The following PLAG1 variants were observed in gnomAD, a reference collection of about 807,000 sequenced individuals.
PLAG1 encodes zinc finger protein PLAG1.
Under a neutral mutation model 35.5 loss-of-function variants are expected in PLAG1, and 7 were observed. The observed-to-expected ratio is 0.20, with a 90% confidence interval of 0.11 to 0.37. The LOEUF (loss-of-function observed/expected upper bound fraction) is 0.37, where lower values mean the gene tolerates loss of function less well. Among genes scored for constraint, PLAG1 ranks in the 10% least tolerant of loss-of-function variants. The pLI is 1.00. For synonymous variants in PLAG1, 229 were observed against 225.4 expected (o/e 1.02, Z -0.14); for missense variants, 454 against 602.8 (o/e 0.75, Z 2.58).
intron 1 of PLAG1, among the ~76,000 whole-genome samples, chr8:56,209,757 C>G (rs1270536850): frequency 6.6e-6 from 1 of 152,164 alleles, no homozygotes; most frequent in East Asian, 1.9e-4. Context: ...TGCACTCCAG[C>G]CTCTCTGAGC....
chr8:56,171,058 T>C (rs752592583), intron 3 of PLAG1, 33 bp downstream of exon 3: 1 of 501,776 alleles, frequency 2.0e-6, no homozygotes, highest in Non-Finnish European at 2.6e-6. Flanking sequence ...GGTGCATGCA[T>C]AGAATTATAG....
chr8:56,174,584 T>TA (rs1811633448), intron 2 of PLAG1, among the ~76,000 whole-genome samples: 1 of 152,118 alleles, frequency 6.6e-6, no homozygotes, highest in Non-Finnish European at 1.5e-5. Flanking sequence ...AAAAGGCAGT[T>TA]AAAGTAACTG....
chr8:56,173,863 T>C (rs1811613158), intron 2 of PLAG1, among the ~76,000 whole-genome samples: 2 of 152,144 alleles, frequency 1.3e-5, no homozygotes. Context: ...TGTTTTACAT[T>C]ATTCTAAAAC....
At chr8:56,194,063 C>T (rs188878401) in intron 1 of PLAG1, among the ~76,000 whole-genome samples, 19 of 152,144 alleles carry the variant, frequency 1.2e-4, no homozygotes, top group Non-Finnish European at 2.4e-4. Context: ...CCTGTAATCT[C>T]AGCACTTTGA....
chr8:56,205,547 T>G (rs1812674984), intron 1 of PLAG1, among the ~76,000 whole-genome samples: 1 of 151,928 alleles, frequency 6.6e-6, no homozygotes, highest in African/African-American at 2.4e-5. Flanking sequence ...TTTTGCCTTG[T>G]AGTTGGTTAT....
intron 1 of PLAG1, among the ~76,000 whole-genome samples, chr8:56,180,874 C>T (rs1811845700): frequency 6.6e-6 from 1 of 151,836 alleles, no homozygotes; most frequent in Admixed American, 6.6e-5. Context: ...AAGAAAAAAC[C>T]CAGTCAAAAA....
At chr8:56,176,540 G>A (rs1314972546) in intron 2 of PLAG1, among the ~76,000 whole-genome samples, 2 of 151,962 alleles carry the variant, frequency 1.3e-5, no homozygotes, top group Non-Finnish European at 2.9e-5. Context: ...TTTCAAAGAG[G>A]AAATGAAAAA....
Position 56,162,178 on chromosome 8 carries a change from A to G in PLAG1, c.*4065T>C. 1 of 228,664 alleles carries G rather than the reference A, an allele frequency of 4.4e-6. No homozygotes were observed. Among genetic ancestry groups the G allele is most frequent in the Non-Finnish European group, 8.7e-6 (1 of 114,858 alleles). 14.2% of individuals were successfully genotyped at this position (228,664 alleles called of 1,614,324 possible). On this transcript the variant is annotated 3_prime_UTR_variant, in exon 5 of 5. Transcript: ENST00000316981. ...TGACACAGTGTGAGAAAAACAAGACAAATTCAACTTAGGCACACATTTACC... is the reference window on the plus strand; with the variant it reads ...TGACACAGTGTGAGAAAAACAAGACGAATTCAACTTAGGCACACATTTACC...
chr8:56,179,129 T>C (rs1811794254), intron 2 of PLAG1, among the ~76,000 whole-genome samples: 1 of 149,158 alleles, frequency 6.7e-6, no homozygotes, highest in Non-Finnish European at 1.5e-5. Context: ...CTGTGGGCTA[T>C]CTGGGGAACA....
At chr8:56,173,877 G>A (rs1338179950) in intron 2 of PLAG1, among the ~76,000 whole-genome samples, 2 of 152,084 alleles carry the variant, frequency 1.3e-5, no homozygotes, top group African/African-American at 4.8e-5. Flanking sequence ...CTAAAACAGT[G>A]ACTCATATAA....
intron 1 of PLAG1, among the ~76,000 whole-genome samples, chr8:56,204,982 C>T (rs778527663): frequency 4.7e-4 from 71 of 151,882 alleles, no homozygotes; most frequent in Non-Finnish European, 8.7e-4. Context: ...CAGAAAAGCA[C>T]TTGCTAATTA....
chr8:56,186,638 G>A (rs1812025454), intron 1 of PLAG1, among the ~76,000 whole-genome samples: 1 of 150,192 alleles, frequency 6.7e-6, no homozygotes, highest in African/African-American at 2.5e-5. Context: ...CTCTTAAAGT[G>A]TTGGGATTAT....
At chr8:56,206,391 T>A (rs1413540283) in intron 1 of PLAG1, among the ~76,000 whole-genome samples, 1 of 151,884 alleles carries the variant, frequency 6.6e-6, no homozygotes, top group Non-Finnish European at 1.5e-5. Flanking sequence ...AAATCTTAAT[T>A]TAATTTCTCA....
In PLAG1 at chr8:56,168,383, G is replaced by A; in HGVS notation, c.-114C>T. The stretch of plus-strand genomic sequence containing the variant: ...ATGTGGTCGTAAAAGAAAGCAAAAA[G>A]GGACTGGAAAAAAAAATAAGAAACA... On this transcript the variant is annotated 5_prime_UTR_variant, in exon 4 of 5. Coordinates refer to ENST00000316981, the MANE Select transcript of PLAG1 (RefSeq NM_002655.3). The A allele has an allele frequency of 1.5e-6, 2 of 1,342,660 alleles. No homozygotes were observed. The highest frequency in any genetic ancestry group is 1.5e-5 in the African/African-American group (1 of 67,500). The allele number at this position is 1,342,660 out of a possible 1,614,324, so 83.2% of individuals were successfully genotyped here.
In PLAG1 at chr8:56,167,597, G is replaced by C. The variant is rs1441223737; in HGVS notation, c.243-94C>G. ...GAAGCTAAACTACTATGCTAACACAGAATTCCCTTAGTAATGGAAACTGTT... is the reference window on the plus strand; with the variant it reads ...GAAGCTAAACTACTATGCTAACACACAATTCCCTTAGTAATGGAAACTGTT... On this transcript the variant is annotated intron_variant, in intron 4 of 4. Transcript: ENST00000316981. The surrounding 1 kb of genome is among the most constrained non-coding windows in gnomAD (Gnocchi z 5.9). 7 of 745,382 alleles carry C rather than the reference G, an allele frequency of 9.4e-6. No homozygotes were observed. The highest frequency in any genetic ancestry group is 5.6e-5 in the South Asian group (3 of 53,230). 46.2% of individuals were successfully genotyped at this position (745,382 alleles called of 1,614,324 possible). A position where few individuals can be genotyped will look rare whatever the true frequency, so the allele number is the denominator to read the frequency against.
Position 56,189,587 on chromosome 8 carries a change from C to A in PLAG1, c.-321-10074G>T, listed in dbSNP as rs115490459. On this transcript the variant is annotated intron_variant, in intron 1 of 4. Transcript: ENST00000316981. ...GCTTGGGGTCTAGTAAGGAGGTATC[C>A]CAAAAGGATACTCATAATTTATAAT... Among the ~76,000 whole-genome samples, 563 of 152,070 alleles carry A rather than the reference C, an allele frequency of 3.7e-3. 3 individuals carry two copies. The highest frequency in any genetic ancestry group is 0.013 in the African/African-American group (547 of 41,438).
At chr8:56,176,586 G>A (rs1259313744) in intron 2 of PLAG1, among the ~76,000 whole-genome samples, 1 of 151,926 alleles carries the variant, frequency 6.6e-6, no homozygotes, top group Non-Finnish European at 1.5e-5. Context: ...ATGCCTCAGA[G>A]AGCAAAGAAG....
chr8:56,209,890 A>G (rs1425005942), intron 1 of PLAG1, among the ~76,000 whole-genome samples: 1 of 152,212 alleles, frequency 6.6e-6, no homozygotes, highest in Non-Finnish European at 1.5e-5. Context: ...TCATTCTTCC[A>G]ATCACACATA....
At chr8:56,189,881 G>A (rs1396892798) in intron 1 of PLAG1, among the ~76,000 whole-genome samples, 2 of 152,144 alleles carry the variant, frequency 1.3e-5, no homozygotes, top group Non-Finnish European at 2.9e-5. Flanking sequence ...TGGAGCTGAT[G>A]GTGTCTTAAG....
Sources: gnomAD v4.1 joint callset for allele counts (sites outside exome capture counted in the v4.1 genomes callset) on GRCh38, gnomAD v4.1.1 for gene constraint, Gnocchi (gnomAD v3.1) non-coding constraint, MANE v1.5 for transcripts, NCBI Gene and HGNC (gene_info 2026-07-23, HGNC 2026-07-21) for gene names.